Variants in EYS observed in about 807,000 individuals in gnomAD.
EYS encodes EGF-like photoreceptor maintenance factor.
In EYS, 250 loss-of-function variants were observed where a neutral mutation model predicts 282.1. The ratio of observed to expected loss-of-function variants is 0.89; its 90% CI spans 0.80 to 0.98. The LOEUF (loss-of-function observed/expected upper bound fraction) is 0.98. Ranked by LOEUF, EYS falls within the 50% of genes least tolerant of loss-of-function variation. EYS has a pLI of 0.00. For synonymous variants in EYS, 1,355 were observed against 1,282.9 expected, an observed-to-expected ratio of 1.06 and a Z score of -1.20; for missense variants, 4,016 against 3,709.0, an observed-to-expected ratio of 1.08 and a Z score of -2.15.
At chr6:64,827,162 G>T (rs1765086129) in intron 19 of EYS, among the ~76,000 whole-genome samples, 1 of 151,730 alleles carries the variant, frequency 6.6e-6, no homozygotes, top group South Asian at 2.1e-4. Context: ...TATCAAACTG[G>T]CTTAAAATTA....
At chr6:64,502,478 C>T (rs2150512918) in intron 26 of EYS, among the ~76,000 whole-genome samples, 1 of 152,272 alleles carries the variant, frequency 6.6e-6, no homozygotes, top group Non-Finnish European at 1.5e-5. Context: ...GCCTCGGCCT[C>T]CCAAAAGTGC....
At position 64,752,815 on chromosome 6, in the gene EYS, A is replaced by T. The variant is rs193107328; in HGVS notation, c.3443+60563T>A. 6.6e-5 allele frequency among the ~76,000 whole-genome samples: 10 copies of T among 152,262 alleles called. No homozygotes were observed. In the East Asian group the frequency reaches 1.9e-3, roughly 29 times the overall value. ...TCAGATGAAGTGGATTTCTCAATTG[A>T]TACCTCAGAATACAGAGATCATCAA... On this transcript the variant is annotated intron_variant, in intron 22 of 42. Coordinates refer to ENST00000503581, the MANE Select transcript of EYS (RefSeq NM_001142800.2).
intron 2 of EYS, among the ~76,000 whole-genome samples, chr6:65,585,500 A>G (rs2127363782): frequency 6.6e-6 from 1 of 152,118 alleles, no homozygotes; most frequent in East Asian, 1.9e-4. Context: ...TTTTTAAAAT[A>G]AACTGAATTA....
intron 36 of EYS, among the ~76,000 whole-genome samples, chr6:63,838,021 GT>G (rs1771852637): frequency 6.6e-6 from 1 of 152,066 alleles, no homozygotes; most frequent in Non-Finnish European, 1.5e-5. Context: ...AATTAATTTT[GT>G]TTTACTCTGA....
chr6:64,351,193 G>A (rs930357932), intron 29 of EYS, among the ~76,000 whole-genome samples: 1 of 151,346 alleles, frequency 6.6e-6, no homozygotes, highest in Admixed American at 6.6e-5. Flanking sequence ...TGAGATACTG[G>A]TATAACAATC....
intron 26 of EYS, among the ~76,000 whole-genome samples, chr6:64,560,458 A>G (rs577702225): frequency 4.6e-5 from 7 of 152,208 alleles, no homozygotes; most frequent in Admixed American, 1.3e-4. Flanking sequence ...GAAAAGTTCC[A>G]TTATGTATGA....
intron 7 of EYS, among the ~76,000 whole-genome samples, chr6:65,384,838 G>A (rs191600341): frequency 2.5e-4 from 38 of 151,920 alleles, no homozygotes; most frequent in African/African-American, 8.7e-4. Flanking sequence ...ATTTTTTAAT[G>A]TTTAGTAGAG....
chr6:65,638,314 T>C (rs568514692), intron 2 of EYS, among the ~76,000 whole-genome samples: 1 of 152,258 alleles, frequency 6.6e-6, no homozygotes, highest in African/African-American at 2.4e-5. Context: ...GTTGTCCGCA[T>C]ACCTCATTTT....
intron 31 of EYS, among the ~76,000 whole-genome samples, chr6:64,194,897 G>C (rs1268523508): frequency 6.6e-6 from 1 of 152,126 alleles, no homozygotes; most frequent in Non-Finnish European, 1.5e-5. Flanking sequence ...GAGTTTGGAA[G>C]TTGTACACTG....
intron 32 of EYS, among the ~76,000 whole-genome samples, chr6:64,071,372 G>C (rs971549801): frequency 1.3e-5 from 2 of 151,704 alleles, no homozygotes; most frequent in Non-Finnish European, 2.9e-5. Context: ...TTAATTTTCT[G>C]ATGAAATGAA....
At chr6:64,949,297 G>A (rs1444602714) in intron 14 of EYS, among the ~76,000 whole-genome samples, 1 of 151,864 alleles carries the variant, frequency 6.6e-6, no homozygotes, top group African/African-American at 2.4e-5. Flanking sequence ...TATTGACTGG[G>A]ATGTGATCTC....
chr6:65,585,450 A>T (rs937043321), intron 2 of EYS, among the ~76,000 whole-genome samples: 1 of 152,000 alleles, frequency 6.6e-6, no homozygotes, highest in Non-Finnish European at 1.5e-5. Context: ...ACATATTGAT[A>T]ATTTTAAAAC....
At chr6:64,540,426 C>T (rs1056795936) in intron 26 of EYS, among the ~76,000 whole-genome samples, 9 of 151,844 alleles carry the variant, frequency 5.9e-5, no homozygotes, top group Admixed American at 1.3e-4. Context: ...TGTAGCCCCA[C>T]CCTCACATGA....
At chr6:64,270,285 C>G (rs1347474592) in intron 30 of EYS, among the ~76,000 whole-genome samples, 1 of 151,874 alleles carries the variant, frequency 6.6e-6, no homozygotes, top group South Asian at 2.1e-4. Context: ...TGTGTCATCA[C>G]ATGTGTCATG....
intron 11 of EYS, among the ~76,000 whole-genome samples, chr6:65,298,173 G>A (rs538975725): frequency 7.2e-5 from 11 of 152,014 alleles, no homozygotes; most frequent in Non-Finnish European, 1.6e-4. Flanking sequence ...GGCATCAAGA[G>A]GTAGACTCTA....
intron 2 of EYS, among the ~76,000 whole-genome samples, chr6:65,535,872 C>T (rs1767946568): frequency 1.3e-5 from 2 of 152,016 alleles, no homozygotes; most frequent in South Asian, 2.1e-4. Context: ...ATCTGAGCAG[C>T]CCAGGGCATA....
chr6:64,553,550 C>CG (rs1562058444), intron 26 of EYS, among the ~76,000 whole-genome samples: 3 of 126,624 alleles, frequency 2.4e-5, no homozygotes, highest in African/African-American at 8.5e-5. Flanking sequence ...GTTTGACCCC[C>CG]CCCCCCCCAT....
intron 8 of EYS, among the ~76,000 whole-genome samples, chr6:65,358,561 A>G (rs1051410114): frequency 1.3e-5 from 2 of 151,122 alleles, no homozygotes; most frequent in South Asian, 4.2e-4. Context: ...GCATGCCATG[A>G]GAGAGAGAAA....
chr6:65,330,924 G>C (rs1174504920), intron 11 of EYS: 4 of 982,822 alleles, frequency 4.1e-6, no homozygotes. Context: ...ATTTACTAAA[G>C]AACCCTGTAT....
Sources: allele counts gnomAD v4.1 joint callset (sites outside exome capture counted in the v4.1 genomes callset), GRCh38; gene constraint gnomAD v4.1.1; transcripts MANE v1.5; gene names NCBI Gene and HGNC (gene_info 2026-07-23, HGNC 2026-07-21).